Variants in ICA1 observed in about 807,000 individuals in gnomAD.
ICA1 encodes the protein 69 kDa islet cell autoantigen.
Under a neutral mutation model 71.0 loss-of-function variants are expected in ICA1, and 40 were observed. That is an observed-to-expected ratio of 0.56 (90% confidence interval 0.44 to 0.73). The LOEUF is 0.73. Ranked by LOEUF, ICA1 falls within the 30% of genes least tolerant of loss-of-function variation. The probability of loss-of-function intolerance (pLI) is 0.00; values close to 1 mark genes in which losing one functional copy is unlikely to be tolerated. For missense variants in ICA1, 578 were observed against 576.5 expected (o/e 1.00, Z -0.03); for synonymous variants, 207 against 209.5 (o/e 0.99, Z 0.10).
chr7:8,201,647 T>C (rs1789735146), intron 6 of ICA1, among the ~76,000 whole-genome samples: 1 of 152,218 alleles, frequency 6.6e-6, no homozygotes, highest in African/African-American at 2.4e-5. Context: ...GGGCCGAGTT[T>C]AGCTCCCAGG....
intron 8 of ICA1, among the ~76,000 whole-genome samples, chr7:8,152,413 T>C (rs3823836): frequency 0.16 from 23,816 of 151,886 alleles, 2,381 homozygotes; most frequent in African/African-American, 0.28. Flanking sequence ...ACCAGCACTA[T>C]GTCATTACTG....
At chr7:8,147,690 ACACAC>A (rs1189824329) in intron 8 of ICA1, among the ~76,000 whole-genome samples, 30 of 3,624 alleles carry the variant, frequency 8.3e-3, no homozygotes, top group African/African-American at 0.011. Context: ...CAAGGGGAAC[ACACAC>A]ACACACACAC....
intron 6 of ICA1, among the ~76,000 whole-genome samples, chr7:8,190,387 C>T (rs1320513708): frequency 6.6e-6 from 1 of 152,002 alleles, no homozygotes; most frequent in African/African-American, 2.4e-5. Flanking sequence ...CAGAAACATT[C>T]CATAAACTCA....
At chr7:8,162,880 C>T (rs1003316660) in intron 6 of ICA1, among the ~76,000 whole-genome samples, 9 of 152,318 alleles carry the variant, frequency 5.9e-5, no homozygotes, top group African/African-American at 1.7e-4. Context: ...TCTCCTGCCT[C>T]GGCCTCCCTA....
intron 13 of ICA1, 32 bp from the exon 14 acceptor site, chr7:8,114,076 C>T (rs1783995304): frequency 1.9e-6 from 3 of 1,613,708 alleles, no homozygotes; most frequent in South Asian, 1.1e-5. Flanking sequence ...TGAGCAAACG[C>T]ACCTTCCAAA....
intron 3 of ICA1, among the ~76,000 whole-genome samples, chr7:8,229,814 G>A (rs1358563595): frequency 1.3e-5 from 2 of 152,148 alleles, no homozygotes; most frequent in Admixed American, 1.3e-4. Flanking sequence ...TTAGTAAAGA[G>A]CCATAAAACA....
rs567027351 is a variant in ICA1, at chr7:8,238,708, T to TATA, written c.-79-2704_-79-2703insTAT. 2.0e-4 allele frequency among the ~76,000 whole-genome samples: 30 copies of TATA among 152,330 alleles called. No individual in the cohort carries two copies. The South Asian group carries it at 5.6e-3, about 28-fold the overall frequency. On this transcript the variant is annotated intron_variant, in intron 1 of 13. Coordinates refer to ENST00000402384, the MANE Select transcript of ICA1 (RefSeq NM_001136020.3). The stretch of plus-strand genomic sequence containing the variant: ...TCATAGTGTAAGTTCTTATAGTATG[T>TATA]GTTATTTATAGTTATAGTTAACAAA...
At chr7:8,126,784 A>G (rs1236906188) in intron 13 of ICA1, among the ~76,000 whole-genome samples, 3 of 152,208 alleles carry the variant, frequency 2.0e-5, no homozygotes, top group Non-Finnish European at 2.9e-5. Flanking sequence ...CACATGAAAG[A>G]AGGAAAAAGT....
chr7:8,156,880 C>T (rs759215831), intron 8 of ICA1: 117 of 1,517,692 alleles, frequency 7.7e-5, no homozygotes, highest in Middle Eastern at 1.7e-4. Context: ...AGGTTCAATT[C>T]GCGCTTTTGG....
chr7:8,246,178 A>G (rs956450446), intron 1 of ICA1, among the ~76,000 whole-genome samples: 2 of 152,228 alleles, frequency 1.3e-5, no homozygotes, highest in African/African-American at 4.8e-5. Flanking sequence ...AAGGGCAAGT[A>G]ACAAGATGCT....
At chr7:8,136,561 G>A (rs1793499842) in intron 12 of ICA1, among the ~76,000 whole-genome samples, 1 of 152,160 alleles carries the variant, frequency 6.6e-6, no homozygotes, top group South Asian at 2.1e-4. Flanking sequence ...GCTACCCTGT[G>A]GGTTGACAAC....
At chr7:8,146,229 C>T (rs537124006) in intron 8 of ICA1, among the ~76,000 whole-genome samples, 5 of 152,196 alleles carry the variant, frequency 3.3e-5, no homozygotes, top group African/African-American at 1.2e-4. Flanking sequence ...TGGGTCATTA[C>T]CCCAGTTAGC....
At chr7:8,196,911 G>A (rs1343626959) in intron 6 of ICA1, among the ~76,000 whole-genome samples, 1 of 151,990 alleles carries the variant, frequency 6.6e-6, no homozygotes, top group Non-Finnish European at 1.5e-5. Flanking sequence ...CCCTGGACAA[G>A]CTTTCTTTCC....
chr7:8,245,823 G>A (rs1184146036), intron 1 of ICA1, among the ~76,000 whole-genome samples: 1 of 152,094 alleles, frequency 6.6e-6, no homozygotes, highest in Non-Finnish European at 1.5e-5. Flanking sequence ...CGGGGTTAGT[G>A]GATACCATAT....
chr7:8,258,664 T>TA (rs1583972267), intron 1 of ICA1, among the ~76,000 whole-genome samples: 1 of 152,214 alleles, frequency 6.6e-6, no homozygotes. Context: ...TAAAAACAGG[T>TA]ATAAAATGCC....
chr7:8,143,811 G>C (rs547958543), intron 9 of ICA1, 64 bp downstream of exon 9: 20 of 1,066,730 alleles, frequency 1.9e-5, no homozygotes, highest in Admixed American at 9.2e-5. Context: ...GGTTCGGTCA[G>C]CGAGAACCAC....
chr7:8,139,755 T>C (rs1172467081), intron 10 of ICA1, among the ~76,000 whole-genome samples: 2 of 152,204 alleles, frequency 1.3e-5, no homozygotes, highest in Non-Finnish European at 2.9e-5. Flanking sequence ...GGAAAGGCTA[T>C]GTATATGCTG....
Position 8,123,034 on chromosome 7 carries a change from C to A in ICA1, c.1330+4839G>T, listed in dbSNP as rs1379594554. 6.6e-6 allele frequency among the ~76,000 whole-genome samples: 1 copy of A among 152,218 alleles called. No individual in the cohort carries two copies. Among genetic ancestry groups the A allele is most frequent in the Non-Finnish European group, 1.5e-5 (1 of 68,042 alleles). ...GCCTCTCTGGCTGGCTCTCCTCCTA[C>A]TCACACAAAGTGGCCTTGGGAAGGC... On this transcript the variant is annotated intron_variant, in intron 13 of 13. Transcript: ENST00000402384. The surrounding 1 kb of genome is among the most constrained non-coding windows in gnomAD (Gnocchi z 4.1).
At chr7:8,219,206 T>C (rs1276076207) in intron 5 of ICA1, among the ~76,000 whole-genome samples, 1 of 152,222 alleles carries the variant, frequency 6.6e-6, no homozygotes, top group East Asian at 1.9e-4. Context: ...TTAAGGCATA[T>C]TAAACTTTGG....
Sources: gnomAD v4.1 joint callset for allele counts (sites outside exome capture counted in the v4.1 genomes callset) on GRCh38, gnomAD v4.1.1 for gene constraint, Gnocchi (gnomAD v3.1) non-coding constraint, MANE v1.5 for transcripts, NCBI Gene and HGNC (gene_info 2026-07-23, HGNC 2026-07-21) for gene names.